The following CDH18 variants were observed in gnomAD, a reference collection of about 807,000 sequenced individuals.
CDH18 encodes cadherin 18.
CDH18 carries 31 observed loss-of-function variants against 67.9 expected under a neutral mutation model. The observed-to-expected ratio is 0.46, with a 90% confidence interval of 0.34 to 0.62. The LOEUF (loss-of-function observed/expected upper bound fraction) is 0.62. CDH18 is among the 20% of genes least tolerant of loss of function. The probability of loss-of-function intolerance (pLI) is 0.01; values close to 1 mark genes in which losing one functional copy is unlikely to be tolerated. For missense variants in CDH18, 890 were observed against 975.5 expected, an observed-to-expected ratio of 0.91 and a Z score of 1.17; for synonymous variants, 362 against 347.2, an observed-to-expected ratio of 1.04 and a Z score of -0.48.
chr5:20,560,468 T>TACACACACATACACAC (rs1758139879), intron 1 of CDH18, among the ~76,000 whole-genome samples: 1 of 127,606 alleles, frequency 7.8e-6, no homozygotes, highest in Non-Finnish European at 1.7e-5. Context: ...CCAACACTCA[T>TACACACACATACACAC]ACACACACAC....
chr5:19,949,610 G>A (rs565878086), intron 2 of CDH18, among the ~76,000 whole-genome samples: 15 of 152,118 alleles, frequency 9.9e-5, no homozygotes, highest in African/African-American at 2.2e-4. Flanking sequence ...CTTTCTTTTC[G>A]TAATTGAATT....
At chr5:20,222,792 G>A (rs1191947712) in intron 2 of CDH18, among the ~76,000 whole-genome samples, 2 of 151,792 alleles carry the variant, frequency 1.3e-5, no homozygotes, top group African/African-American at 4.8e-5. Flanking sequence ...AGAAGTAACC[G>A]AATTGTGCAT....
At chr5:19,682,602 G>GCCTCT (rs1760493488) in intron 5 of CDH18, among the ~76,000 whole-genome samples, 2 of 152,014 alleles carry the variant, frequency 1.3e-5, no homozygotes, top group African/African-American at 4.8e-5. Flanking sequence ...GGAAGCAGAG[G>GCCTCT]GCAGAGAGTG....
intron 5 of CDH18, among the ~76,000 whole-genome samples, chr5:19,705,754 T>C (rs1008504507): frequency 6.6e-6 from 1 of 152,162 alleles, no homozygotes; most frequent in Non-Finnish European, 1.5e-5. Context: ...TACATGGATA[T>C]GATCCTGGAA....
chr5:19,696,150 G>C (rs1762505890), intron 5 of CDH18, among the ~76,000 whole-genome samples: 1 of 151,974 alleles, frequency 6.6e-6, no homozygotes, highest in South Asian at 2.1e-4. Flanking sequence ...TAGAGAATAT[G>C]GGTATATTAT....
chr5:19,916,511 A>G (rs544106344), intron 2 of CDH18, among the ~76,000 whole-genome samples: 1 of 152,060 alleles, frequency 6.6e-6, no homozygotes, highest in East Asian at 1.9e-4. Flanking sequence ...ACACTTTCTA[A>G]CCTGCACATC....
At chr5:20,116,114 CT>C (rs1458590663) in intron 2 of CDH18, among the ~76,000 whole-genome samples, 1 of 152,106 alleles carries the variant, frequency 6.6e-6, no homozygotes, top group Non-Finnish European at 1.5e-5. Context: ...TATAGAGTTC[CT>C]TTCTGTGAAT....
At chr5:19,709,443 T>G (rs1353556328) in intron 5 of CDH18, among the ~76,000 whole-genome samples, 1 of 152,096 alleles carries the variant, frequency 6.6e-6, no homozygotes, top group African/African-American at 2.4e-5. Context: ...GGCAGACGCC[T>G]GTAATCCCAG....
intron 1 of CDH18, among the ~76,000 whole-genome samples, chr5:20,257,246 T>C (rs1744322183): frequency 6.6e-6 from 1 of 152,062 alleles, no homozygotes; most frequent in African/African-American, 2.4e-5. Flanking sequence ...TCATAACTAA[T>C]GCAGAATATG....
At chr5:19,590,143 C>G (rs986973913) in intron 7 of CDH18, among the ~76,000 whole-genome samples, 7 of 152,022 alleles carry the variant, frequency 4.6e-5, no homozygotes, top group Non-Finnish European at 1.0e-4. Flanking sequence ...TAGCAACTGA[C>G]ACATTGAAGG....
intron 4 of CDH18, among the ~76,000 whole-genome samples, chr5:19,728,826 T>C (rs896992666): frequency 6.6e-6 from 1 of 152,282 alleles, no homozygotes; most frequent in South Asian, 2.1e-4. Flanking sequence ...AGGAATCTCT[T>C]AGGGCTTAAT....
chr5:20,392,163 C>T (rs1019479295), intron 1 of CDH18, among the ~76,000 whole-genome samples: 1 of 151,740 alleles, frequency 6.6e-6, no homozygotes, highest in Non-Finnish European at 1.5e-5. Context: ...GTGTCATATT[C>T]ACCATCTTAT....
chr5:19,588,463 G>A (rs1744565276), intron 7 of CDH18, among the ~76,000 whole-genome samples: 1 of 151,962 alleles, frequency 6.6e-6, no homozygotes, highest in Non-Finnish European at 1.5e-5. Flanking sequence ...GAAATACACA[G>A]ACCAGTGACT....
chr5:19,826,739 T>C (rs569069632), intron 3 of CDH18, among the ~76,000 whole-genome samples: 1 of 152,192 alleles, frequency 6.6e-6, no homozygotes, highest in South Asian at 2.1e-4. Flanking sequence ...GGGAGTGCCA[T>C]AGATGGAAGA....
intron 2 of CDH18, among the ~76,000 whole-genome samples, chr5:20,044,545 A>G (rs1202309224): frequency 4.6e-5 from 7 of 152,144 alleles, no homozygotes. Flanking sequence ...GCATTTAAGC[A>G]TTGCATTCCA....
At chr5:20,098,326 T>TC (rs1746163603) in intron 2 of CDH18, among the ~76,000 whole-genome samples, 2 of 152,092 alleles carry the variant, frequency 1.3e-5, no homozygotes, top group Non-Finnish European at 2.9e-5. Context: ...AAATTGTATA[T>TC]ATTCTAAGGT....
chr5:19,492,224 G>A (rs1041459571), intron 11 of CDH18, among the ~76,000 whole-genome samples: 14 of 152,032 alleles, frequency 9.2e-5, no homozygotes, highest in South Asian at 2.1e-4. Flanking sequence ...GAATTAAGCC[G>A]GAGAATTAGG....
intron 1 of CDH18, among the ~76,000 whole-genome samples, chr5:20,539,759 C>A (rs867079586): frequency 6.9e-6 from 1 of 144,512 alleles, no homozygotes; most frequent in African/African-American, 2.8e-5. Flanking sequence ...CACACACAAA[C>A]ACACACACAC....
rs536151275 is a variant in CDH18, at chr5:19,978,535, A to G, written c.-257+2525T>C. Among the ~76,000 whole-genome samples the G allele has an allele frequency of 7.2e-5, 11 of 152,294 alleles. No homozygotes were observed. In the South Asian group the frequency reaches 2.1e-3, roughly 29 times the overall value. On this transcript the variant is annotated intron_variant, in intron 2 of 12. Transcript: ENST00000382275. ...AAGCACCACAAATTTAGTGCTTTAA[A>G]AAAACACTAAGTTATTATCTTGCAG...
Sources: allele counts gnomAD v4.1 joint callset (sites outside exome capture counted in the v4.1 genomes callset), GRCh38; gene constraint gnomAD v4.1.1; transcripts MANE v1.5; gene names NCBI Gene and HGNC (gene_info 2026-07-23, HGNC 2026-07-21).